EFR3A: variants seen among roughly 807,000 people sequenced by gnomAD.
EFR3A encodes protein EFR3 homolog A.
Under a neutral mutation model 104.4 loss-of-function variants are expected in EFR3A, and 76 were observed. The observed-to-expected ratio is 0.73, with a 90% confidence interval of 0.60 to 0.88. The LOEUF is 0.88. Among genes scored for constraint, EFR3A ranks in the 40% least tolerant of loss-of-function variants. EFR3A has a pLI of 0.00. For synonymous variants in EFR3A, 330 were observed against 330.0 expected, an observed-to-expected ratio of 1.00 and a Z score of 0.00; for missense variants, 985 against 1,012.5, an observed-to-expected ratio of 0.97 and a Z score of 0.37.
In EFR3A at chr8:131,986,265, T is replaced by C. The variant is rs2130760948; in HGVS notation, c.1937+4T>C. 1 of 1,517,424 alleles carries C rather than the reference T, an allele frequency of 6.6e-7. No individual in the cohort carries two copies. The highest frequency in any genetic ancestry group is 1.2e-5 in the South Asian group (1 of 85,322). 94.0% of individuals were successfully genotyped at this position (1,517,424 alleles called of 1,614,324 possible). On this transcript the variant is annotated splice_donor_region_variant and intron_variant, in intron 17 of 22. Transcript: ENST00000254624. Reference sequence around the variant, plus strand: ...ATATCTTCAGAGATAAGTGCATGTATGTTAATTCTTTACATTTTAAGGATG... The same window carrying C: ...ATATCTTCAGAGATAAGTGCATGTACGTTAATTCTTTACATTTTAAGGATG...
At chr8:131,968,548 C>A in intron 9 of EFR3A, 118 bp downstream of exon 9, 1 of 1,129,638 alleles carries the variant, frequency 8.9e-7, no homozygotes, top group South Asian at 2.0e-5. Flanking sequence ...TTTCGGTGTA[C>A]AATAATTTTT....
chr8:131,939,876 T>C (rs1235592275), intron 1 of EFR3A: 1 of 152,256 alleles, frequency 6.6e-6, no homozygotes, highest in Non-Finnish European at 1.5e-5. Flanking sequence ...CCTGCCTTCA[T>C]CTGAGTTTGT....
intron 4 of EFR3A, among the ~76,000 whole-genome samples, chr8:131,947,308 A>G (rs2130588902): frequency 6.6e-6 from 1 of 152,040 alleles, no homozygotes; most frequent in African/African-American, 2.4e-5. Flanking sequence ...ACTATTGGGT[A>G]TATTTTCTTT....
At chr8:131,945,017 A>T in intron 3 of EFR3A, 145 bp downstream of exon 3, 1 of 964,992 alleles carries the variant, frequency 1.0e-6, no homozygotes. Flanking sequence ...AAAGAAATAT[A>T]TAATACTCCA....
chr8:131,960,361 C>T (rs1228183398), intron 8 of EFR3A, among the ~76,000 whole-genome samples: 5 of 151,848 alleles, frequency 3.3e-5, no homozygotes, highest in African/African-American at 7.3e-5. Context: ...GATTTTTTTC[C>T]TCACAGGGCC....
Position 131,986,881 on chromosome 8 carries a change from CAT to C in EFR3A, c.1937+623_1937+624del, listed in dbSNP as rs145282746. ...TTAAATATAGCATATTTTATGTTCT[CAT>C]ATGTAAATGATCAAACCTTTAAGAG... On this transcript the variant is annotated intron_variant, in intron 17 of 22. Transcript: ENST00000254624. 7.9e-3 allele frequency among the ~76,000 whole-genome samples: 1,199 copies of C among 151,584 alleles called. 12 individuals are homozygous for C. Among genetic ancestry groups the C allele is most frequent in the African/African-American group, 0.028 (1,148 of 41,310 alleles).
intron 5 of EFR3A, among the ~76,000 whole-genome samples, chr8:131,952,691 A>T (rs559281811): frequency 5.9e-4 from 90 of 152,258 alleles, no homozygotes; most frequent in Admixed American, 1.6e-3. Context: ...AAAAAGCAGC[A>T]TGTATAGACA....
intron 22 of EFR3A, among the ~76,000 whole-genome samples, chr8:132,005,179 C>A (rs983833075): frequency 6.6e-6 from 1 of 152,142 alleles, no homozygotes; most frequent in Non-Finnish European, 1.5e-5. Context: ...GTAACTTATA[C>A]AGGGTCACCT....
intron 14 of EFR3A, 68 bp from the exon 15 acceptor site, chr8:131,984,071 T>C (rs1378413048): frequency 7.1e-7 from 1 of 1,400,658 alleles, no homozygotes; most frequent in Non-Finnish European, 9.6e-7. Context: ...TAAAAGTATA[T>C]GCATGTGAAA....
intron 1 of EFR3A, among the ~76,000 whole-genome samples, chr8:131,936,497 G>A (rs1271609855): frequency 6.6e-6 from 1 of 151,206 alleles, no homozygotes; most frequent in Non-Finnish European, 1.5e-5. Flanking sequence ...CTCCCCTCCA[G>A]CACACACACA....
At chr8:131,908,383 C>T (rs550665099) in intron 1 of EFR3A, among the ~76,000 whole-genome samples, 1 of 152,186 alleles carries the variant, frequency 6.6e-6, no homozygotes, top group East Asian at 1.9e-4. Flanking sequence ...TATATGCTCT[C>T]GCAATCAACA....
intron 5 of EFR3A, 30 bp downstream of exon 5, chr8:131,950,120 G>A (rs548913947): frequency 1.9e-6 from 3 of 1,556,354 alleles, no homozygotes; most frequent in African/African-American, 1.4e-5. Context: ...ATGATCTATA[G>A]TAAGTAATTT....
At position 132,010,859 on chromosome 8, in the gene EFR3A, CTA is replaced by C; in HGVS notation, c.2432_2433del (p.Tyr811Ter). 6.2e-7 allele frequency: 1 copy of C among 1,612,550 alleles called. No homozygotes were observed. Among genetic ancestry groups the C allele is most frequent in the South Asian group, 1.1e-5 (1 of 90,988 alleles). On this transcript the variant is annotated frameshift_variant, in exon 23 of 23. Coordinates refer to ENST00000254624, the MANE Select transcript of EFR3A (RefSeq NM_015137.6). LOFTEE classifies it high-confidence loss of function. ...ATGCCCAATACCAATCTGTCCCAGTCTATGAGATGAAGTTTCCAGATCTGTGT... is the reference window on the plus strand; with the variant it reads ...ATGCCCAATACCAATCTGTCCCAGTCTGAGATGAAGTTTCCAGATCTGTGT... ...GHAQYQSVPV[Y>X]EMKFPDLCVY is the part of the protein sequence containing the mutation.
intron 19 of EFR3A, among the ~76,000 whole-genome samples, chr8:132,000,080 A>AT (rs1187790840): frequency 6.6e-6 from 1 of 152,158 alleles, no homozygotes; most frequent in Non-Finnish European, 1.5e-5. Flanking sequence ...GAAAGGAGAC[A>AT]TTAAAAAAAA....
At position 131,996,514 on chromosome 8, in the gene EFR3A, TTA is replaced by T; in HGVS notation, c.2157+19_2157+20del. 6.5e-7 allele frequency: 1 copy of T among 1,547,626 alleles called. No individual in the cohort carries two copies. Among genetic ancestry groups the T allele is most frequent in the South Asian group, 1.2e-5 (1 of 82,614 alleles). Reference sequence around the variant, plus strand: ...GATGATGTGGTAAGTTACTGAAAGTTTATGGTAGAGTACTGTCTTGGTAGACA... The same window carrying T: ...GATGATGTGGTAAGTTACTGAAAGTTTGGTAGAGTACTGTCTTGGTAGACA... On this transcript the variant is annotated intron_variant, in intron 19 of 22. Coordinates refer to ENST00000254624, the MANE Select transcript of EFR3A (RefSeq NM_015137.6).
chr8:131,915,339 T>C (rs1446843305), intron 1 of EFR3A, among the ~76,000 whole-genome samples: 1 of 152,220 alleles, frequency 6.6e-6, no homozygotes, highest in Non-Finnish European at 1.5e-5. Context: ...GGAGATTTTA[T>C]AATCTCTTCT....
chr8:131,964,867 G>C (rs1002777800), intron 8 of EFR3A, among the ~76,000 whole-genome samples: 1 of 150,762 alleles, frequency 6.6e-6, no homozygotes, highest in Non-Finnish European at 1.5e-5. Flanking sequence ...CCAAAACAGA[G>C]ATATAGACCA....
intron 1 of EFR3A, among the ~76,000 whole-genome samples, chr8:131,905,725 C>T (rs189853419): frequency 3.6e-4 from 55 of 152,304 alleles, no homozygotes; most frequent in Non-Finnish European, 6.8e-4. Flanking sequence ...TTCATGTTCA[C>T]GTTATTCAGT....
chr8:132,004,611 G>C (rs1004378498), intron 22 of EFR3A, among the ~76,000 whole-genome samples: 1 of 152,176 alleles, frequency 6.6e-6, no homozygotes, highest in Admixed American at 6.5e-5. Context: ...TAAAATTGCT[G>C]GGTGTGGGCA....
Sources: allele counts gnomAD v4.1 joint callset (sites outside exome capture counted in the v4.1 genomes callset), GRCh38; gene constraint gnomAD v4.1.1; transcripts MANE v1.5; gene names NCBI Gene and HGNC (gene_info 2026-07-23, HGNC 2026-07-21).